Variants in TSHR observed in about 807,000 individuals in gnomAD.
The protein encoded by TSHR is thyroid stimulating hormone receptor, also known as thyrotropin receptor.
In TSHR, 51 loss-of-function variants were observed where a neutral mutation model predicts 64.1. That is an observed-to-expected ratio of 0.80 (90% CI 0.64 to 1.01). TSHR has a LOEUF of 1.01. Ranked by LOEUF, TSHR falls within the 50% of genes least tolerant of loss-of-function variation. The probability of loss-of-function intolerance (pLI) is 0.00; values close to 1 mark genes in which losing one functional copy is unlikely to be tolerated. For synonymous variants in TSHR, 361 were observed against 361.9 expected (o/e 1.00, Z 0.03); for missense variants, 877 against 942.8 (o/e 0.93, Z 0.91).
intron 1 of TSHR, among the ~76,000 whole-genome samples, chr14:81,000,903 G>A (rs946716740): frequency 6.6e-6 from 1 of 152,192 alleles, no homozygotes; most frequent in African/African-American, 2.4e-5. Context: ...CTCCCATTCT[G>A]TCTCACTTAC....
chr14:81,044,347 A>T (rs981315772), intron 1 of TSHR, among the ~76,000 whole-genome samples: 2 of 152,212 alleles, frequency 1.3e-5, no homozygotes, highest in Non-Finnish European at 2.9e-5. Context: ...ATCACTGATC[A>T]TTAGAAAAAC....
chr14:81,060,652 G>C (rs1368763294), intron 1 of TSHR, among the ~76,000 whole-genome samples: 1 of 152,084 alleles, frequency 6.6e-6, no homozygotes, highest in Non-Finnish European at 1.5e-5. Context: ...AGAAAGCATA[G>C]ACCAAGGAAA....
At chr14:81,062,351 A>G in intron 2 of TSHR, 132 bp downstream of exon 2, 1 of 622,822 alleles carries the variant, frequency 1.6e-6, no homozygotes, top group East Asian at 2.8e-5. Flanking sequence ...GTATATGACA[A>G]TTTTATGTAC....
chr14:81,131,514 C>T (rs752191022), intron 8 of TSHR, among the ~76,000 whole-genome samples: 7 of 152,196 alleles, frequency 4.6e-5, no homozygotes, highest in Non-Finnish European at 8.8e-5. Flanking sequence ...GCTCCCAATA[C>T]GTCCGCTGAC....
intron 8 of TSHR, among the ~76,000 whole-genome samples, chr14:81,114,940 G>C (rs908319110): frequency 1.6e-4 from 25 of 152,176 alleles, no homozygotes; most frequent in African/African-American, 5.8e-4. Flanking sequence ...CACATGGCAG[G>C]GTACTCCAAC....
intron 3 of TSHR, 120 bp downstream of exon 3, chr14:81,068,448 T>A: frequency 2.4e-6 from 2 of 846,890 alleles, no homozygotes; most frequent in Non-Finnish European, 3.9e-6. Flanking sequence ...CTTCTGTTTA[T>A]GATTAAATTA....
chr14:81,023,949 C>T (rs1469921205), intron 1 of TSHR, among the ~76,000 whole-genome samples: 1 of 152,128 alleles, frequency 6.6e-6, no homozygotes, highest in Non-Finnish European at 1.5e-5. Flanking sequence ...CTATTTAGTA[C>T]ACCTACTATG....
Position 80,991,355 on chromosome 14 carries a change from T to A in TSHR, c.170+35505T>A, listed in dbSNP as rs976676198. Among the ~76,000 whole-genome samples, 270 of 152,326 alleles carry A rather than the reference T, an allele frequency of 1.8e-3. 3 individuals are homozygous for A. The highest frequency in any genetic ancestry group is 6.2e-3 in the African/African-American group (256 of 41,574). On this transcript the variant is annotated intron_variant, in intron 1 of 9. Coordinates refer to ENST00000298171, the MANE Select transcript of TSHR (RefSeq NM_000369.5). ...AACTTGGACACCCTTCAAGAGCCTC[T>A]GAATATTTTTCTTCAGCAGAAATTC... is the stretch of plus-strand genomic sequence containing the variant.
At chr14:81,019,605 C>T (rs1260801257) in intron 1 of TSHR, among the ~76,000 whole-genome samples, 2 of 151,876 alleles carry the variant, frequency 1.3e-5, no homozygotes, top group African/African-American at 4.8e-5. Context: ...GCTATCCCTC[C>T]CCTAGCCTCC....
chr14:81,108,869 A>G (rs1890090574), intron 8 of TSHR: 1 of 1,455,556 alleles, frequency 6.9e-7, no homozygotes. Flanking sequence ...AATATAAATG[A>G]TAGTTCGACT....
intron 8 of TSHR, among the ~76,000 whole-genome samples, chr14:81,127,738 C>T (rs370869497): frequency 1.2e-4 from 18 of 152,112 alleles, no homozygotes; most frequent in African/African-American, 2.7e-4. Context: ...TCTTGCCTGC[C>T]GCCATGTAAG....
At chr14:81,026,276 A>T (rs1351475070) in intron 1 of TSHR, among the ~76,000 whole-genome samples, 1 of 152,188 alleles carries the variant, frequency 6.6e-6, no homozygotes, top group Non-Finnish European at 1.5e-5. Flanking sequence ...TGCACAATAA[A>T]TATTTGTATG....
At chr14:81,015,784 T>C (rs897319137) in intron 1 of TSHR, among the ~76,000 whole-genome samples, 12 of 152,016 alleles carry the variant, frequency 7.9e-5, no homozygotes, top group East Asian at 3.9e-4. Context: ...CAACCCCTCA[T>C]CCCCCCACTC....
At chr14:81,010,852 G>A (rs368827921) in intron 1 of TSHR, among the ~76,000 whole-genome samples, 90 of 149,146 alleles carry the variant, frequency 6.0e-4, no homozygotes, top group Admixed American at 1.5e-3. Context: ...TAGATTTGGA[G>A]GTAACAGAAA....
Position 81,062,127 on chromosome 14 carries a change from AT to A in TSHR, c.171-20del. ...AAGCCCAATGATTAAAACTCTAATTATGTAACTGTTATTTTCACAGGAAGCT... is the reference window on the plus strand; with the variant it reads ...AAGCCCAATGATTAAAACTCTAATTAGTAACTGTTATTTTCACAGGAAGCT... On this transcript the variant is annotated intron_variant, in intron 1 of 9. Transcript: ENST00000298171. The A allele has an allele frequency of 3.8e-6, 6 of 1,596,592 alleles. No homozygotes were observed. Among genetic ancestry groups the A allele is most frequent in the Non-Finnish European group, 5.1e-6 (6 of 1,165,714 alleles).
At chr14:80,987,652 C>A (rs899744626) in intron 1 of TSHR, among the ~76,000 whole-genome samples, 2 of 152,204 alleles carry the variant, frequency 1.3e-5, no homozygotes, top group African/African-American at 4.8e-5. Context: ...CCTCAATTAG[C>A]TTACATCGTC....
At chr14:81,108,591 C>T in intron 8 of TSHR, 139 bp downstream of exon 8, 2 of 1,612,854 alleles carry the variant, frequency 1.2e-6, no homozygotes, top group South Asian at 1.1e-5. Flanking sequence ...TCTGCAAGTC[C>T]CTCTTTTCCT....
intron 1 of TSHR, chr14:80,993,094 G>C (rs1888828478): frequency 6.6e-6 from 1 of 152,168 alleles, no homozygotes; most frequent in South Asian, 2.1e-4. Context: ...ATAAAATATA[G>C]ATTTGAGCTG....
At chr14:81,050,867 G>T (rs1313973968) in intron 1 of TSHR, 1 of 152,114 alleles carries the variant, frequency 6.6e-6, no homozygotes, top group African/African-American at 2.4e-5. Flanking sequence ...AGATTTGGGA[G>T]ATTTTATGGG....
Sources: allele counts gnomAD v4.1 joint callset (sites outside exome capture counted in the v4.1 genomes callset), GRCh38; gene constraint gnomAD v4.1.1; transcripts MANE v1.5; gene names NCBI Gene and HGNC (gene_info 2026-07-23, HGNC 2026-07-21).